XPO5: variants seen among roughly 807,000 people sequenced by gnomAD.
XPO5 encodes exportin 5.
XPO5 carries 46 observed loss-of-function variants against 160.6 expected under a neutral mutation model. That is an observed-to-expected ratio of 0.29 (90% CI 0.23 to 0.37). XPO5 has a LOEUF of 0.37. Ranked by LOEUF, XPO5 falls within the 10% of genes least tolerant of loss-of-function variation. The pLI, the probability that XPO5 is intolerant of heterozygous loss-of-function variation, is 1.00. For missense variants in XPO5, 1,090 were observed against 1,463.9 expected, an observed-to-expected ratio of 0.74 and a Z score of 4.17; for synonymous variants, 537 against 519.3, an observed-to-expected ratio of 1.03 and a Z score of -0.46.
intron 22 of XPO5, 52 bp from the exon 23 acceptor site, chr6:43,530,876 C>T (rs1401511132): frequency 6.4e-7 from 1 of 1,569,516 alleles, no homozygotes; most frequent in African/African-American, 1.4e-5. Flanking sequence ...ACATCTGTTA[C>T]TGCCAGCCCT....
rs80010268 is a variant in XPO5, at chr6:43,549,357, C to G, written c.1860+132G>C. ...GGGATTACAGGTGTGAGCCACCATG[C>G]CCGGCCAAGGATGCTTATATGATGC... On this transcript the variant is annotated intron_variant, in intron 17 of 31. Transcript: ENST00000265351. 2,784 of 860,142 alleles carry G rather than the reference C, an allele frequency of 3.2e-3. 49 individuals carry two copies. The African/African-American group carries it at 0.04, about 12-fold the overall frequency. The allele number at this position is 860,142 out of a possible 1,614,324, so 53.3% of individuals were successfully genotyped here. A position where few individuals can be genotyped will look rare whatever the true frequency, so the allele number is the denominator to read the frequency against.
chr6:43,531,685 T>A, intron 21 of XPO5, 110 bp from the exon 22 acceptor site: 1 of 932,834 alleles, frequency 1.1e-6, no homozygotes, highest in Non-Finnish European at 1.7e-6. Flanking sequence ...TGTGCATGTC[T>A]GGTGCTGTAC....
rs1056016290 is a variant in XPO5, at chr6:43,553,391, A to G, written c.1554T>C (p.Phe518=). 4.4e-6 allele frequency: 7 copies of G among 1,608,578 alleles called. No individual in the cohort carries two copies. Among genetic ancestry groups the G allele is most frequent in the East Asian group, 4.5e-5 (2 of 44,810 alleles). Residue 518 remains phenylalanine, a synonymous_variant, in exon 14 of 32, where the codon TTT becomes TTC. Transcript: ENST00000265351. ...LFLESVITQM[F]RTLNREEIPV... ...TACTTACTTCTCTATTTAGTGTTCGAAACATCTGGGTGATAACACTTTCCA... is the reference window on the plus strand; with the variant it reads ...TACTTACTTCTCTATTTAGTGTTCGGAACATCTGGGTGATAACACTTTCCA...
In XPO5 at chr6:43,539,399, A is replaced by C. The variant is rs532850694; in HGVS notation, c.2343-5392T>G. ...CATAATCTTCAAAACCTCATCCTTG[A>C]GAGAGGCCCCCAGGAAAAAGTCAAT... On this transcript the variant is annotated intron_variant, in intron 20 of 31. Transcript: ENST00000265351. 1,288 of 1,576,156 alleles carry C rather than the reference A, an allele frequency of 8.2e-4. 14 individuals carry two copies. The highest frequency in any genetic ancestry group is 3.1e-4 in the Non-Finnish European group (364 of 1,165,712).
chr6:43,553,417 A>G lies in XPO5; in HGVS notation c.1528T>C (p.Leu510=), dbSNP rs1290689395. Residue 510 remains leucine (L), a synonymous_variant, in exon 14 of 32, where the codon TTG becomes CTG. Transcript: ENST00000265351. ...AACATCTGGGTGATAACACTTTCCA[A>G]AAAAAGAGTCATGGCTTCCCACTGC... is the stretch of plus-strand genomic sequence containing the variant. ...FVQWEAMTLF[L]ESVITQMFRT... 6.2e-7 allele frequency: 1 copy of G among 1,605,910 alleles called. No individual in the cohort carries two copies. The highest frequency in any genetic ancestry group is 1.1e-5 in the South Asian group (1 of 89,208).
At chr6:43,575,219 G>A (rs959675581) in intron 1 of XPO5, among the ~76,000 whole-genome samples, 1 of 152,190 alleles carries the variant, frequency 6.6e-6, no homozygotes, top group Non-Finnish European at 1.5e-5. Flanking sequence ...AGGGGTGCGA[G>A]AATTTCCCCG....
At chr6:43,537,040 C>G (rs895080667) in intron 20 of XPO5, among the ~76,000 whole-genome samples, 1 of 152,102 alleles carries the variant, frequency 6.6e-6, no homozygotes, top group Admixed American at 6.6e-5. Flanking sequence ...GTTCATAGCT[C>G]ACTGCAGCCT....
At chr6:43,538,184 C>T (rs556234799) in intron 20 of XPO5, among the ~76,000 whole-genome samples, 45 of 102,480 alleles carry the variant, frequency 4.4e-4, no homozygotes, top group African/African-American at 1.4e-3. Context: ...GAGATTTGCT[C>T]TGTCGCTCAG....
At chr6:43,529,909 CAAAAA>C (rs1191727799) in intron 23 of XPO5, among the ~76,000 whole-genome samples, 1 of 97,556 alleles carries the variant, frequency 1.0e-5, no homozygotes. Context: ...GACCCTGTCT[CAAAAA>C]AAAAAAAAAA....
intron 28 of XPO5, 35 bp from the exon 29 acceptor site, chr6:43,525,249 A>C (rs1793496203): frequency 6.5e-7 from 1 of 1,545,330 alleles, no homozygotes; most frequent in Non-Finnish European, 8.8e-7. Flanking sequence ...ACAATGGAAA[A>C]AGAAGCACAG....
chr6:43,531,433 T>TA (rs758472458), intron 22 of XPO5, 46 bp downstream of exon 22: 1 of 1,548,992 alleles, frequency 6.5e-7, no homozygotes, highest in Non-Finnish European at 8.9e-7. Context: ...TCCTATACAA[T>TA]ACATATCGAG....
chr6:43,570,311 C>CAAAAA (rs70990200), intron 5 of XPO5, among the ~76,000 whole-genome samples, 191 bp downstream of exon 5: 28 of 77,124 alleles, frequency 3.6e-4, no homozygotes, highest in East Asian at 9.2e-4. Flanking sequence ...GCCTCCGTCT[C>CAAAAA]AAAAAAAAAA....
intron 24 of XPO5, 33 bp from the exon 25 acceptor site, chr6:43,528,238 T>C: frequency 3.2e-6 from 5 of 1,567,110 alleles, no homozygotes; most frequent in Middle Eastern, 1.7e-4. Context: ...AATGCTAGAA[T>C]TGGGGAAAGG....
At chr6:43,551,055 T>C (rs1795203803) in intron 15 of XPO5, 1 of 326,554 alleles carries the variant, frequency 3.1e-6, no homozygotes. Context: ...AATAGCTGTG[T>C]TTATTAGTTT....
At chr6:43,545,711 A>C (rs777325962) in intron 20 of XPO5, among the ~76,000 whole-genome samples, 13 of 142,516 alleles carry the variant, frequency 9.1e-5, no homozygotes, top group African/African-American at 2.2e-4. Context: ...CTGTCTCAAA[A>C]AAACAAACAA....
chr6:43,554,478 G>A (rs1303788487), intron 13 of XPO5, among the ~76,000 whole-genome samples: 2 of 150,314 alleles, frequency 1.3e-5, no homozygotes, highest in Non-Finnish European at 3.0e-5. Flanking sequence ...AGGCTGGAGT[G>A]CAGTGGCACG....
intron 20 of XPO5, among the ~76,000 whole-genome samples, chr6:43,537,505 T>C (rs973959042): frequency 3.9e-5 from 6 of 152,198 alleles, no homozygotes; most frequent in Non-Finnish European, 8.8e-5. Context: ...CAACTCTGCA[T>C]TGAAGCGCAA....
At chr6:43,567,053 G>A (rs182401573) in intron 7 of XPO5, 116 bp downstream of exon 7, 11 of 1,089,216 alleles carry the variant, frequency 1.0e-5, no homozygotes, top group Non-Finnish European at 2.6e-6. Flanking sequence ...GCAGTAAGTT[G>A]GCCCCAAGGA....
intron 24 of XPO5, among the ~76,000 whole-genome samples, chr6:43,528,439 TAAC>T (rs947680573): frequency 2.3e-4 from 35 of 152,144 alleles, no homozygotes; most frequent in Non-Finnish European, 4.3e-4. Context: ...TGGAAAGAAT[TAAC>T]AACATTTTTA....
Sources: allele counts gnomAD v4.1 joint callset (sites outside exome capture counted in the v4.1 genomes callset), GRCh38; gene constraint gnomAD v4.1.1; transcripts MANE v1.5; gene names NCBI Gene and HGNC (gene_info 2026-07-23, HGNC 2026-07-21).